CPEB2: variants seen among roughly 807,000 people sequenced by gnomAD.
CPEB2 encodes the protein cytoplasmic polyadenylation element-binding protein 2.
A neutral mutation model predicts 93.6 loss-of-function variants in CPEB2; 56 were observed. That is an observed-to-expected ratio of 0.60 (90% confidence interval 0.48 to 0.75). The LOEUF (loss-of-function observed/expected upper bound fraction) is 0.75. Among genes scored for constraint, CPEB2 ranks in the 30% least tolerant of loss-of-function variants. The pLI, the probability that CPEB2 is intolerant of heterozygous loss-of-function variation, is 0.00. For missense variants in CPEB2, 1,579 were observed against 1,395.1 expected (o/e 1.13, Z -2.10); for synonymous variants, 764 against 586.3 (o/e 1.30, Z -4.38).
At position 15,003,685 on chromosome 4, in the gene CPEB2, G is replaced by T. The variant is rs778922123; in HGVS notation, c.1012G>T (p.Ala338Ser). 1 of 1,458,620 alleles carries T rather than the reference G, an allele frequency of 6.9e-7. No individual in the cohort carries two copies. Among genetic ancestry groups the T allele is most frequent in the South Asian group, 1.3e-5 (1 of 76,836 alleles). 90.4% of individuals were successfully genotyped at this position (1,458,620 alleles called of 1,614,324 possible). ...GCCCGGAGGTGCGCTTGGCGCGGGC[G>T]CCTTCAGCAGCCTGCAGAGCCCGGA... ...LLPGGALGAG[A>S]FSSLQSPDLP... The change falls in exon 1 of 12, where the codon GCC becomes TCC. Residue 338 changes from alanine (A) to serine (S), a missense_variant. By Grantham distance (99) the Ala-to-Ser change is moderately conservative (BLOSUM62 1). This residue lies in a region of CPEB2 where 1,411 missense variants were observed against 1,056.0 expected (regional missense o/e 1.34). Transcript: ENST00000538197.
intron 4 of CPEB2, among the ~76,000 whole-genome samples, chr4:15,028,901 T>C (rs577526814): frequency 1.1e-4 from 17 of 152,232 alleles, no homozygotes; most frequent in African/African-American, 4.1e-4. Flanking sequence ...TATACAGTTG[T>C]CATATTTCTT....
At position 15,003,353 on chromosome 4, in the gene CPEB2, G is replaced by GC; in HGVS notation, c.682dup (p.Gln228ProfsTer100). The GC allele has an allele frequency of 1.4e-6, 2 of 1,389,644 alleles. No homozygotes were observed. The highest frequency in any genetic ancestry group is 1.8e-6 in the Non-Finnish European group (2 of 1,084,842). 86.1% of individuals were successfully genotyped at this position (1,389,644 alleles called of 1,614,324 possible). A position where few individuals can be genotyped will look rare whatever the true frequency, so the allele number is the denominator to read the frequency against. On this transcript the variant is annotated frameshift_variant, in exon 1 of 12. Coordinates refer to ENST00000538197, the MANE Select transcript of CPEB2 (RefSeq NM_001177382.2). LOFTEE classifies it high-confidence loss of function. ...CTCCAGCCGGCGCAGCTCGCTCAGCGCCAGCAGCAACAGCCGCCGCAGCAG... is the reference window on the plus strand; with the variant it reads ...CTCCAGCCGGCGCAGCTCGCTCAGCGCCCAGCAGCAACAGCCGCCGCAGCAG...
At chr4:15,064,006 T>C (rs1333466430) in intron 11 of CPEB2, 2 of 152,248 alleles carry the variant, frequency 1.3e-5, no homozygotes, top group African/African-American at 4.8e-5. Flanking sequence ...AATATGAATA[T>C]GGTTATTAAA....
chr4:15,045,455 T>G (rs1356289416), intron 6 of CPEB2, among the ~76,000 whole-genome samples: 1 of 151,986 alleles, frequency 6.6e-6, no homozygotes, highest in Admixed American at 6.6e-5. Flanking sequence ...CTCATGGGAG[T>G]AGCATTTTTG....
intron 3 of CPEB2, among the ~76,000 whole-genome samples, chr4:15,014,903 A>G (rs1332790199): frequency 6.6e-6 from 1 of 152,086 alleles, no homozygotes; most frequent in Non-Finnish European, 1.5e-5. Flanking sequence ...ATTTTTGCCC[A>G]TATGGGCCAT....
chr4:15,003,799 C>T lies in CPEB2; in HGVS notation c.1126C>T (p.Leu376=). Residue 376 remains leucine, a synonymous_variant, in exon 1 of 12, where the codon CTG becomes TTG. Coordinates refer to ENST00000538197, the MANE Select transcript of CPEB2 (RefSeq NM_001177382.2). ...AGGCGGCTCCGCGTCGCCGCCGCCG[C>T]TGCCCGGCTTCGGCACCCCCTGGTC... ...GGGGSASPPP[L]PGFGTPWSVQ... is the part of the protein sequence containing the mutation. 1 of 1,042,824 alleles carries T rather than the reference C, an allele frequency of 9.6e-7. No homozygotes were observed. Among genetic ancestry groups the T allele is most frequent in the East Asian group, 3.9e-5 (1 of 25,362 alleles). 64.6% of individuals were successfully genotyped at this position (1,042,824 alleles called of 1,614,324 possible). A position where few individuals can be genotyped will look rare whatever the true frequency, so the allele number is the denominator to read the frequency against.
chr4:15,009,097 C>T (rs1229146016), intron 3 of CPEB2, among the ~76,000 whole-genome samples: 1 of 152,098 alleles, frequency 6.6e-6, no homozygotes, highest in Non-Finnish European at 1.5e-5. Flanking sequence ...ATACTAGGTA[C>T]CAGGTGGTGA....
chr4:15,013,934 C>T (rs1357898663), intron 3 of CPEB2, among the ~76,000 whole-genome samples: 5 of 151,958 alleles, frequency 3.3e-5, no homozygotes, highest in Non-Finnish European at 7.4e-5. Flanking sequence ...CAGTTAGATA[C>T]AGACATTCAA....
At chr4:15,009,557 T>C (rs1723222385) in intron 3 of CPEB2, among the ~76,000 whole-genome samples, 1 of 152,206 alleles carries the variant, frequency 6.6e-6, no homozygotes, top group South Asian at 2.1e-4. Context: ...TTTTTGTATT[T>C]AAATTCAATA....
At chr4:15,054,036 T>A in intron 7 of CPEB2, 92 bp from the exon 8 acceptor site, 1 of 796,682 alleles carries the variant, frequency 1.3e-6, no homozygotes, top group South Asian at 1.8e-5. Flanking sequence ...TTTGGCACTT[T>A]TAAATGTTAA....
intron 6 of CPEB2, among the ~76,000 whole-genome samples, chr4:15,050,726 G>C (rs1728147937): frequency 1.3e-5 from 2 of 151,920 alleles, no homozygotes; most frequent in African/African-American, 4.8e-5. Context: ...TATTTTGGCT[G>C]CCCTCCCACT....
In CPEB2 at chr4:15,036,221, G is replaced by A. The variant is rs185193887; in HGVS notation, c.2176+3010G>A. ...AAATACCTGTATATCTCATGAGGCT[G>A]TAGAGATATTTTTTAATTTAAACAA... On this transcript the variant is annotated intron_variant, in intron 5 of 11. Transcript: ENST00000538197. 6.7e-3 allele frequency among the ~76,000 whole-genome samples: 1,014 copies of A among 152,250 alleles called. 12 individuals carry two copies. The highest frequency in any genetic ancestry group is 0.023 in the African/African-American group (953 of 41,542).
At chr4:15,017,682 T>A (rs1724327252) in intron 4 of CPEB2, 1 of 152,780 alleles carries the variant, frequency 6.5e-6, no homozygotes, top group East Asian at 1.9e-4. Context: ...TTCTCTATTT[T>A]TCTTCTACTG....
At chr4:15,043,015 C>T (rs888745746) in intron 6 of CPEB2, among the ~76,000 whole-genome samples, 7 of 152,192 alleles carry the variant, frequency 4.6e-5, no homozygotes, top group Admixed American at 3.9e-4. Flanking sequence ...AAAAATAAGT[C>T]ATGGCTCTTC....
At chr4:15,014,969 C>G (rs140897163) in intron 3 of CPEB2, among the ~76,000 whole-genome samples, 1,683 of 152,064 alleles carry the variant, frequency 0.011, 15 homozygotes, top group Admixed American at 0.023. Flanking sequence ...TATTTTGAGT[C>G]TTTTTCTTTT....
chr4:15,063,103 A>AAGAT (rs938849357), intron 11 of CPEB2, among the ~76,000 whole-genome samples: 1 of 152,100 alleles, frequency 6.6e-6, no homozygotes, highest in Non-Finnish European at 1.5e-5. Context: ...TAGTAGATAG[A>AAGAT]AGATACAATT....
rs930480015 is a variant in CPEB2 at position 15,003,391 on chromosome 4, C to T, written c.718C>T (p.His240Tyr). The T allele has an allele frequency of 1.5e-5, 20 of 1,375,586 alleles. No homozygotes were observed. Among genetic ancestry groups the T allele is most frequent in the Non-Finnish European group, 1.7e-5 (18 of 1,075,996 alleles). The allele number at this position is 1,375,586 out of a possible 1,614,324, so 85.2% of individuals were successfully genotyped here. Reference sequence around the variant, plus strand: ...GCCGCCGCAGCAGTTCAGCCTCCTGCATCAGCAGCACCTCTCGCCGCAGGA... The same window carrying T: ...GCCGCCGCAGCAGTTCAGCCTCCTGTATCAGCAGCACCTCTCGCCGCAGGA... ...QQPPQQFSLL[H>Y]QQHLSPQDFA... The change falls in exon 1 of 12, where the codon CAT (histidine) becomes TAT (tyrosine). Residue 240 changes from histidine to tyrosine, a missense_variant. Coordinates refer to ENST00000538197, the MANE Select transcript of CPEB2 (RefSeq NM_001177382.2).
intron 4 of CPEB2, among the ~76,000 whole-genome samples, chr4:15,032,737 G>T (rs1426370170): frequency 6.6e-6 from 1 of 151,912 alleles, no homozygotes; most frequent in Non-Finnish European, 1.5e-5. Flanking sequence ...AATTGTTTTT[G>T]ATTTAGGAAT....
intron 7 of CPEB2, 49 bp from the exon 8 acceptor site, chr4:15,054,079 A>T: frequency 6.2e-6 from 8 of 1,286,342 alleles, no homozygotes; most frequent in Non-Finnish European, 8.8e-6. Flanking sequence ...ATTTCTTAGA[A>T]CGAATCACTG....
Sources: gnomAD v4.1 joint callset for allele counts (sites outside exome capture counted in the v4.1 genomes callset) on GRCh38, gnomAD v4.1.1 for gene constraint, gnomAD v4.1.1 regional missense constraint, MANE v1.5 for transcripts, NCBI Gene and HGNC (gene_info 2026-07-23, HGNC 2026-07-21) for gene names.